The following SSX3 variants were observed in gnomAD, a reference collection of about 807,000 sequenced individuals.
SSX3 encodes protein SSX3.
Under a neutral mutation model 14.8 loss-of-function variants are expected in SSX3, and 6 were observed. The observed-to-expected ratio is 0.41, with a 90% confidence interval of 0.22 to 0.80. The LOEUF (loss-of-function observed/expected upper bound fraction) is 0.80, where lower values mean the gene tolerates loss of function less well. SSX3 is among the 30% of genes least tolerant of loss of function. The pLI, the probability that SSX3 is intolerant of heterozygous loss-of-function variation, is 0.34. For missense variants in SSX3, 163 were observed against 152.2 expected, an observed-to-expected ratio of 1.07 and a Z score of -0.37; for synonymous variants, 55 against 52.9, an observed-to-expected ratio of 1.04 and a Z score of -0.18.
At chrX:48,352,204 G>A (rs782140087) in intron 4 of SSX3, 55 bp from the exon 5 acceptor site, 4 of 1,156,006 alleles carry the variant, frequency 3.5e-6, no homozygotes. Flanking sequence ...CCAAACTCTA[G>A]AGAGACTTCT....
At chrX:48,350,745 C>G (rs1263690028) in intron 5 of SSX3, among the ~76,000 whole-genome samples, 2 of 109,449 alleles carry the variant, frequency 1.8e-5, no homozygotes, top group Non-Finnish European at 3.8e-5. Flanking sequence ...GTGTACTGAC[C>G]AACAATCTTA....
chrX:48,352,049 T>A (rs781837437), intron 5 of SSX3, 51 bp downstream of exon 5: 15 of 1,180,069 alleles, frequency 1.3e-5, no homozygotes, highest in East Asian at 3.0e-5. Context: ...AGTGTTCGCA[T>A]CCTTGGAGGG....
chrX:48,349,054 G>A (rs2061250327), intron 6 of SSX3, among the ~76,000 whole-genome samples: 1 of 112,383 alleles, frequency 8.9e-6, no homozygotes, highest in African/African-American at 3.2e-5. Flanking sequence ...TGATGAAGGT[G>A]GCTACACGAA....
chrX:48,350,088 A>T lies in SSX3; in HGVS notation c.365T>A (p.Val122Asp). The change falls in exon 6 of 8, where the codon GTT (valine) becomes GAT (aspartate). Residue 122 changes from valine (V) to aspartate (D), a missense_variant. Physicochemically the swap from Val to Asp is radical, Grantham distance 152. Transcript: ENST00000298396. ...MPKKPAEEGN[V>D]SKEVPEASGP... The stretch of plus-strand genomic sequence containing the variant: ...AGATGCTTCTGGCACTTCCTTCGAA[A>T]CATTTCCTTCCTCTGCTGGCTTCTT... 8.3e-7 allele frequency: 1 copy of T among 1,211,822 alleles called. No individual in the cohort carries two copies. The highest frequency in any genetic ancestry group is 1.1e-6 in the Non-Finnish European group (1 of 895,528).
At chrX:48,356,093 C>G (rs1236450303) in intron 1 of SSX3, among the ~76,000 whole-genome samples, 2 of 111,733 alleles carry the variant, frequency 1.8e-5, no homozygotes, top group Non-Finnish European at 3.8e-5. Context: ...GTGGGCGGAT[C>G]GCCTTAGCCC....
intron 4 of SSX3, 21 bp from the exon 5 acceptor site, chrX:48,352,170 A>G (rs782578845): frequency 2.5e-6 from 3 of 1,202,248 alleles, no homozygotes; most frequent in African/African-American, 3.5e-5. Context: ...ATACATCAGA[A>G]TTTTTCATTG....
At position 48,347,489 on chromosome X, in the gene SSX3, G is replaced by A; in HGVS notation, c.*4+11C>T. 1 of 1,209,195 alleles carries A rather than the reference G, an allele frequency of 8.3e-7. No individual in the cohort carries two copies. The highest frequency in any genetic ancestry group is 1.7e-5 in the African/African-American group (1 of 57,793). On this transcript the variant is annotated intron_variant, in intron 7 of 7. Transcript: ENST00000298396. ...GCAGGGATGCAGGGGATGAGTGGAAGGTTCTCTTACGGAGTTACTCATCAT... is the reference window on the plus strand; with the variant it reads ...GCAGGGATGCAGGGGATGAGTGGAAAGTTCTCTTACGGAGTTACTCATCAT...
In SSX3 at chrX:48,346,599, GTGTGTGT is replaced by G. The variant is rs1556948605; in HGVS notation, c.*434_*440del. ...ACTTGGTGTGTGTCTGTGTGTGTGT[GTGTGTGT>G]GTGTGGTGTGGTTTGTGTGTGTGTG... On this transcript the variant is annotated 3_prime_UTR_variant, in exon 8 of 8. Transcript: ENST00000298396. 2 of 300,302 alleles carry G rather than the reference GTGTGTGT, an allele frequency of 6.7e-6. No homozygotes were observed. The highest frequency in any genetic ancestry group is 6.0e-6 in the Non-Finnish European group (1 of 166,265). The allele number at this position is 300,302 out of a possible 1,213,427, so 24.7% of individuals were successfully genotyped here. A position where few individuals can be genotyped will look rare whatever the true frequency, so the allele number is the denominator to read the frequency against.
Position 48,346,762 on chromosome X carries a change from T to G in SSX3, c.*278A>C, listed in dbSNP as rs184218382. On this transcript the variant is annotated 3_prime_UTR_variant, in exon 8 of 8. Coordinates refer to ENST00000298396, the MANE Select transcript of SSX3 (RefSeq NM_021014.4). ...ATACTTGTTTTCTAAGGTAGGTGCATGGATACACAAACCAAAATATGCATT... is the reference window on the plus strand; with the variant it reads ...ATACTTGTTTTCTAAGGTAGGTGCAGGGATACACAAACCAAAATATGCATT... 4.4e-4 allele frequency: 203 copies of G among 458,119 alleles called. No individual in the cohort carries two copies. The highest frequency in any genetic ancestry group is 4.2e-3 in the African/African-American group (174 of 41,288). 37.8% of individuals were successfully genotyped at this position (458,119 alleles called of 1,213,427 possible).
At chrX:48,350,835 A>C (rs1452329769) in intron 5 of SSX3, among the ~76,000 whole-genome samples, 2 of 103,176 alleles carry the variant, frequency 1.9e-5, no homozygotes, top group Non-Finnish European at 3.9e-5. Context: ...CCGTGGCATG[A>C]TATCGGCTCA....
intron 4 of SSX3, among the ~76,000 whole-genome samples, chrX:48,353,185 A>G (rs2061270783): frequency 9.2e-6 from 1 of 108,711 alleles, no homozygotes; most frequent in Non-Finnish European, 1.9e-5. Context: ...ATACATTAAC[A>G]GTGCTTAGGA....
intron 5 of SSX3, among the ~76,000 whole-genome samples, chrX:48,351,169 T>G (rs1254432773): frequency 1.8e-5 from 2 of 112,269 alleles, no homozygotes; most frequent in Non-Finnish European, 3.8e-5. Flanking sequence ...AAACACTCTT[T>G]AAATGTAGTA....
chrX:48,346,622 T>A lies in SSX3; in HGVS notation c.*418A>T. On this transcript the variant is annotated 3_prime_UTR_variant, in exon 8 of 8. Transcript: ENST00000298396. ...GTGTGTGTGTGTGTGGTGTGGTTTG[T>A]GTGTGTGTGTAAATGCAGAGGAAAA... is the stretch of plus-strand genomic sequence containing the variant. 1 of 312,191 alleles carries A rather than the reference T, an allele frequency of 3.2e-6. No individual in the cohort carries two copies. The highest frequency in any genetic ancestry group is 5.8e-6 in the Non-Finnish European group (1 of 172,688). 25.7% of individuals were successfully genotyped at this position (312,191 alleles called of 1,213,427 possible).
At chrX:48,354,166 A>G (rs1204546631) in intron 3 of SSX3, 72 bp from the exon 4 acceptor site, 1 of 944,632 alleles carries the variant, frequency 1.1e-6, no homozygotes, top group African/African-American at 1.9e-5. Context: ...TGTCTGTAGT[A>G]CCAACACTTT....
In SSX3 at chrX:48,346,579, GT is replaced by G; in HGVS notation, c.*460del. On this transcript the variant is annotated 3_prime_UTR_variant, in exon 8 of 8. Coordinates refer to ENST00000298396, the MANE Select transcript of SSX3 (RefSeq NM_021014.4). ...TGGGAGATGCTTATACTGGTACTTG[GT>G]GTGTGTCTGTGTGTGTGTGTGTGTG... 1.1e-5 allele frequency: 1 copy of G among 93,903 alleles called. No homozygotes were observed. Among genetic ancestry groups the G allele is most frequent in the Non-Finnish European group, 1.7e-5 (1 of 57,652 alleles). The allele number at this position is 93,903 out of a possible 1,213,427, so 7.7% of individuals were successfully genotyped here.
intron 6 of SSX3, chrX:48,349,348 C>T (rs1240487491): frequency 2.0e-6 from 1 of 502,362 alleles, no homozygotes; most frequent in African/African-American, 2.4e-5. Context: ...CGAGGCAAGA[C>T]CCTCCACCAG....
intron 4 of SSX3, among the ~76,000 whole-genome samples, chrX:48,353,295 A>T (rs1490145693): frequency 1.7e-4 from 19 of 111,268 alleles, no homozygotes; most frequent in East Asian, 5.6e-4. Context: ...CCCACAGCTA[A>T]GTTAGGTCTG....
intron 7 of SSX3, among the ~76,000 whole-genome samples, 188 bp from the exon 8 acceptor site, chrX:48,347,223 G>T (rs782468087): frequency 2.5e-4 from 28 of 112,460 alleles, no homozygotes; most frequent in African/African-American, 8.4e-4. Flanking sequence ...CCTCGCCTGG[G>T]CTATCAATTC....
intron 6 of SSX3, chrX:48,348,181 G>A (rs1307245231): frequency 7.1e-5 from 29 of 410,993 alleles, no homozygotes; most frequent in African/African-American, 6.9e-4. Flanking sequence ...TGCAATGCAT[G>A]ATAATCACAT....
Sources: allele counts gnomAD v4.1 joint callset (sites outside exome capture counted in the v4.1 genomes callset), GRCh38; gene constraint gnomAD v4.1.1; transcripts MANE v1.5; gene names NCBI Gene and HGNC (gene_info 2026-07-23, HGNC 2026-07-21).